The following GRXCR2 variants were observed in gnomAD, a reference collection of about 807,000 sequenced individuals.
GRXCR2 encodes the protein glutaredoxin and cysteine rich domain containing 2.
Under a neutral mutation model 24.8 loss-of-function variants are expected in GRXCR2, and 23 were observed. The ratio of observed to expected loss-of-function variants is 0.93; its 90% CI spans 0.67 to 1.32. The LOEUF (loss-of-function observed/expected upper bound fraction) is 1.32. GRXCR2 is among the 40% of genes most tolerant of loss of function. The pLI is 0.00. For synonymous variants in GRXCR2, 130 were observed against 116.1 expected (o/e 1.12, Z -0.77); for missense variants, 315 against 303.4 (o/e 1.04, Z -0.28).
At chr5:145,906,539 A>C (rs1224063966) in intron 2 of GRXCR2, among the ~76,000 whole-genome samples, 1 of 152,204 alleles carries the variant, frequency 6.6e-6, no homozygotes, top group Non-Finnish European at 1.5e-5. Flanking sequence ...GCTGCCCTGA[A>C]AATAACATTT....
In GRXCR2 at chr5:145,890,378, C is replaced by A. The variant is rs551630656; in HGVS notation, c.-69-23650G>T. 5.5e-4 allele frequency among the ~76,000 whole-genome samples: 84 copies of A among 152,302 alleles called. 2 individuals are homozygous for A. In the South Asian group the frequency reaches 0.017, roughly 31 times the overall value. ...GTGCTGAGATTACAGGTGTGAGCCACTGCACCTGGCAGGAATTTTTTTAAA... is the reference window on the plus strand; with the variant it reads ...GTGCTGAGATTACAGGTGTGAGCCAATGCACCTGGCAGGAATTTTTTTAAA... On this transcript the variant is annotated intron_variant, in intron 2 of 3. Transcript: ENST00000639411.
At chr5:145,890,012 G>A (rs533416603) in intron 2 of GRXCR2, among the ~76,000 whole-genome samples, 1 of 152,328 alleles carries the variant, frequency 6.6e-6, no homozygotes, top group East Asian at 1.9e-4. Context: ...CTAAGCAGAA[G>A]AAATAATTTC....
intron 2 of GRXCR2, among the ~76,000 whole-genome samples, chr5:145,909,905 A>G (rs935780010): frequency 2.0e-5 from 3 of 151,992 alleles, no homozygotes; most frequent in African/African-American, 7.3e-5. Flanking sequence ...TCGCTTCCCA[A>G]TTCCTCTCTC....
intron 1 of GRXCR2, among the ~76,000 whole-genome samples, chr5:145,872,426 C>T (rs1435932592): frequency 6.6e-6 from 1 of 152,174 alleles, no homozygotes; most frequent in Non-Finnish European, 1.5e-5. Context: ...TATATATGCT[C>T]ATTGCACTTT....
chr5:145,930,392 A>G (rs1757463034), intron 2 of GRXCR2, among the ~76,000 whole-genome samples: 1 of 152,058 alleles, frequency 6.6e-6, no homozygotes, highest in Admixed American at 6.6e-5. Flanking sequence ...TTTTAACACA[A>G]ATTGCTCAGG....
intron 2 of GRXCR2, among the ~76,000 whole-genome samples, chr5:145,863,654 T>C (rs1756377701): frequency 6.6e-6 from 1 of 152,052 alleles, no homozygotes; most frequent in African/African-American, 2.4e-5. Flanking sequence ...TGCTGCCAGG[T>C]TAGGTTCTTT....
Position 145,859,610 on chromosome 5 carries a change from G to A in GRXCR2, c.*123C>T. ...ATCAGATAATTGAGTTTTGCCAGCA[G>A]TGGGAGTGACTGCAGCCACTGTGGC... On this transcript the variant is annotated 3_prime_UTR_variant, in exon 3 of 3. Coordinates refer to ENST00000377976, the MANE Select transcript of GRXCR2 (RefSeq NM_001080516.2). 1.2e-6 allele frequency: 1 copy of A among 815,630 alleles called. No individual in the cohort carries two copies. Among genetic ancestry groups the A allele is most frequent in the Non-Finnish European group, 2.0e-6 (1 of 492,962 alleles). The allele number at this position is 815,630 out of a possible 1,614,324, so 50.5% of individuals were successfully genotyped here. A position where few individuals can be genotyped will look rare whatever the true frequency, so the allele number is the denominator to read the frequency against.
rs573220759 is a variant in GRXCR2, at chr5:145,904,563, T to G, written c.-70+31138A>C. ...TTTATTTGTCACACACAAATCCTCA[T>G]ACCCCTTCCTTGAGAATCTCTTCCC... On this transcript the variant is annotated intron_variant, in intron 2 of 3. Transcript: ENST00000639411. 9.8e-5 allele frequency among the ~76,000 whole-genome samples: 15 copies of G among 152,296 alleles called. No homozygotes were observed. In the South Asian group the frequency reaches 3.1e-3, roughly 32 times the overall value.
At chr5:145,891,696 C>T (rs896381272) in intron 2 of GRXCR2, among the ~76,000 whole-genome samples, 1 of 152,174 alleles carries the variant, frequency 6.6e-6, no homozygotes, top group African/African-American at 2.4e-5. Flanking sequence ...CTGTAGACTC[C>T]ACCTCTGGGG....
intron 2 of GRXCR2, among the ~76,000 whole-genome samples, chr5:145,861,757 G>C (rs1756342733): frequency 6.6e-6 from 1 of 152,122 alleles, no homozygotes; most frequent in Admixed American, 6.5e-5. Context: ...AAGACAGCAG[G>C]AGTCCGCTGG....
At chr5:145,892,485 T>C (rs1392368356) in intron 2 of GRXCR2, among the ~76,000 whole-genome samples, 2 of 152,016 alleles carry the variant, frequency 1.3e-5, no homozygotes, top group Non-Finnish European at 2.9e-5. Context: ...ACATGACGAA[T>C]GCACAAGTCT....
chr5:145,913,724 T>C (rs1212763141), intron 2 of GRXCR2, among the ~76,000 whole-genome samples: 1 of 152,176 alleles, frequency 6.6e-6, no homozygotes, highest in Non-Finnish European at 1.5e-5. Context: ...CGTTTCATCA[T>C]GTCGCCCAGG....
At chr5:145,864,869 G>A (rs538945048) in intron 2 of GRXCR2, among the ~76,000 whole-genome samples, 1 of 152,268 alleles carries the variant, frequency 6.6e-6, no homozygotes, top group Admixed American at 6.5e-5. Flanking sequence ...TTGAGTGTGG[G>A]GGCAGGTTGG....
At chr5:145,897,711 T>A (rs1170510579) in intron 2 of GRXCR2, among the ~76,000 whole-genome samples, 2 of 152,086 alleles carry the variant, frequency 1.3e-5, no homozygotes, top group Non-Finnish European at 2.9e-5. Flanking sequence ...AACTTGCTAG[T>A]AAATTACTTT....
chr5:145,869,219 AAGTT>A (rs1756484948), intron 1 of GRXCR2, among the ~76,000 whole-genome samples: 1 of 152,216 alleles, frequency 6.6e-6, no homozygotes, highest in African/African-American at 2.4e-5. Context: ...TGAGGTTTGC[AAGTT>A]AGTTAATCCT....
chr5:145,909,568 A>G (rs768213733), intron 2 of GRXCR2, among the ~76,000 whole-genome samples: 3 of 152,104 alleles, frequency 2.0e-5, no homozygotes, highest in African/African-American at 7.2e-5. Flanking sequence ...CCTGTTTTAT[A>G]TTCTTTACAG....
chr5:145,927,677 G>T, intron 2 of GRXCR2, among the ~76,000 whole-genome samples: 1 of 152,098 alleles, frequency 6.6e-6, no homozygotes. Context: ...CAGGGATATT[G>T]GTCTAAAATT....
chr5:145,889,770 T>C (rs577984550), intron 2 of GRXCR2, among the ~76,000 whole-genome samples: 1 of 152,290 alleles, frequency 6.6e-6, no homozygotes, highest in South Asian at 2.1e-4. Context: ...AAGCATGGAT[T>C]GCAAGAAAGC....
intron 2 of GRXCR2, among the ~76,000 whole-genome samples, chr5:145,880,495 T>C (rs776270799): frequency 9.9e-5 from 15 of 150,928 alleles, no homozygotes; most frequent in Non-Finnish European, 1.9e-4. Context: ...GACAGAAGAA[T>C]CTCTGAATAG....
Sources: allele counts gnomAD v4.1 joint callset (sites outside exome capture counted in the v4.1 genomes callset), GRCh38; gene constraint gnomAD v4.1.1; transcripts MANE v1.5; gene names NCBI Gene and HGNC (gene_info 2026-07-23, HGNC 2026-07-21).